TBC1D22A: variants seen among roughly 807,000 people sequenced by gnomAD.
The protein encoded by TBC1D22A is putative GTPase activator.
A neutral mutation model predicts 60.2 loss-of-function variants in TBC1D22A; 38 were observed. The observed-to-expected ratio is 0.63, with a 90% CI of 0.49 to 0.83. The LOEUF (loss-of-function observed/expected upper bound fraction) is 0.83. Ranked by LOEUF, TBC1D22A falls within the 40% of genes least tolerant of loss-of-function variation. The pLI, the probability that TBC1D22A is intolerant of heterozygous loss-of-function variation, is 0.00. For missense variants in TBC1D22A, 628 were observed against 701.0 expected (o/e 0.90, Z 1.18); for synonymous variants, 302 against 281.7 (o/e 1.07, Z -0.72).
intron 12 of TBC1D22A, among the ~76,000 whole-genome samples, chr22:47,159,029 C>T (rs2067836421): frequency 6.6e-6 from 1 of 151,452 alleles, no homozygotes; most frequent in Non-Finnish European, 1.5e-5. Context: ...TACACACACA[C>T]ACACCATGTA....
At chr22:47,011,567 T>C (rs2061753990) in intron 10 of TBC1D22A, among the ~76,000 whole-genome samples, 1 of 152,154 alleles carries the variant, frequency 6.6e-6, no homozygotes, top group African/African-American at 2.4e-5. Context: ...GGATAAAGTG[T>C]TTAATGGAGC....
intron 9 of TBC1D22A, among the ~76,000 whole-genome samples, chr22:46,982,413 G>A (rs2074550750): frequency 3.3e-5 from 5 of 151,904 alleles, no homozygotes. Flanking sequence ...TAGTAGAGAC[G>A]GGGTTTCACC....
chr22:47,092,612 GGACAT>G (rs1261325658), intron 11 of TBC1D22A, among the ~76,000 whole-genome samples: 1 of 152,178 alleles, frequency 6.6e-6, no homozygotes, highest in African/African-American at 2.4e-5. Flanking sequence ...CTCAGCCTGT[GGACAT>G]GCCCACCGGC....
intron 4 of TBC1D22A, among the ~76,000 whole-genome samples, chr22:46,815,422 T>C (rs1227120481): frequency 6.6e-6 from 1 of 152,224 alleles, no homozygotes; most frequent in African/African-American, 2.4e-5. Context: ...ACAGAGTCCT[T>C]TATTTGGACC....
intron 4 of TBC1D22A, among the ~76,000 whole-genome samples, chr22:46,838,062 GA>G (rs1263461402): frequency 2.0e-5 from 3 of 151,754 alleles, no homozygotes; most frequent in Non-Finnish European, 4.4e-5. Context: ...TCCGTCTCAA[GA>G]AAAAAAAGTT....
intron 11 of TBC1D22A, among the ~76,000 whole-genome samples, chr22:47,058,402 A>T (rs2063466346): frequency 6.6e-6 from 1 of 152,128 alleles, no homozygotes; most frequent in Non-Finnish European, 1.5e-5. Flanking sequence ...CAGCCAGGCC[A>T]GCCCTGCGAG....
chr22:47,067,694 C>T (rs2063822862), intron 11 of TBC1D22A, among the ~76,000 whole-genome samples: 1 of 152,194 alleles, frequency 6.6e-6, no homozygotes, highest in South Asian at 2.1e-4. Flanking sequence ...ATGGATGCCA[C>T]AGCCTCAGGA....
intron 8 of TBC1D22A, among the ~76,000 whole-genome samples, chr22:46,945,708 C>G (rs1270848778): frequency 1.3e-5 from 2 of 152,202 alleles, no homozygotes; most frequent in South Asian, 4.1e-4. Context: ...AGGGTTCCCC[C>G]CTGGTTACCC....
rs556006602 is a variant in TBC1D22A at position 46,981,291 on chromosome 22, C to T, written c.1125+6892C>T. ...ATGCCTGACATGGTCCTGAGTGCTT[C>T]GTTGTAATATTAGTTCATTTTCCCT... On this transcript the variant is annotated intron_variant, in intron 9 of 12. Coordinates refer to ENST00000337137, the MANE Select transcript of TBC1D22A (RefSeq NM_014346.5). 5.5e-4 allele frequency among the ~76,000 whole-genome samples: 84 copies of T among 152,278 alleles called. 1 individual carries two copies. Among genetic ancestry groups the T allele is most frequent in the African/African-American group, 1.9e-3 (81 of 41,564 alleles).
chr22:47,127,225 TTC>T (rs1366064167), intron 12 of TBC1D22A, among the ~76,000 whole-genome samples: 78 of 132,794 alleles, frequency 5.9e-4, no homozygotes, highest in African/African-American at 1.9e-3. Flanking sequence ...TTTTTTCTTT[TTC>T]TCTTTTTTTT....
At chr22:47,084,466 G>A (rs2064599152) in intron 11 of TBC1D22A, among the ~76,000 whole-genome samples, 2 of 152,216 alleles carry the variant, frequency 1.3e-5, no homozygotes, top group South Asian at 4.1e-4. Flanking sequence ...GGTCAGAGAT[G>A]CAGGAGGCGG....
In TBC1D22A at chr22:46,792,571, T is replaced by C. The variant is rs766238603; in HGVS notation, c.114T>C (p.His38=). The stretch of plus-strand genomic sequence containing the variant: ...ACCCCCCCTTTGATCCACTGTTACA[T>C]GGCACGTAAGTGACGTTCCAACCTC... ...AQHPPFDPLL[H]GTLLRSTAKM... The change falls in exon 2 of 13, where the codon CAT becomes CAC. Residue 38 remains histidine (H), a synonymous_variant. Transcript: ENST00000337137. 21 of 1,614,146 alleles carry C rather than the reference T, an allele frequency of 1.3e-5. No individual in the cohort carries two copies. In the East Asian group the frequency reaches 3.3e-4, roughly 26 times the overall value.
At chr22:47,101,892 C>T (rs9615461) in intron 11 of TBC1D22A, among the ~76,000 whole-genome samples, 54,807 of 152,032 alleles carry the variant, frequency 0.36, 9,983 homozygotes, top group South Asian at 0.47. Context: ...GCTCCAGTGA[C>T]GTCCAGAATT....
intron 1 of TBC1D22A, among the ~76,000 whole-genome samples, chr22:46,781,431 C>T (rs193298295): frequency 6.6e-6 from 1 of 152,334 alleles, no homozygotes; most frequent in Admixed American, 6.5e-5. Flanking sequence ...CTACCTTGGC[C>T]TCCCGAAGTG....
chr22:46,989,011 C>T (rs2074833323), intron 9 of TBC1D22A, among the ~76,000 whole-genome samples: 1 of 152,216 alleles, frequency 6.6e-6, no homozygotes, highest in African/African-American at 2.4e-5. Flanking sequence ...TACAGCTTCT[C>T]CATCAGCACT....
At chr22:47,012,375 C>A (rs574268921) in intron 10 of TBC1D22A, among the ~76,000 whole-genome samples, 2 of 152,276 alleles carry the variant, frequency 1.3e-5, no homozygotes, top group East Asian at 3.9e-4. Context: ...AGCACTGGTG[C>A]GTTCTTCTCT....
chr22:47,032,562 G>T (rs759653864), intron 10 of TBC1D22A, among the ~76,000 whole-genome samples: 5 of 152,186 alleles, frequency 3.3e-5, no homozygotes, highest in Non-Finnish European at 7.4e-5. Context: ...TCTAAAGCTC[G>T]CCTGAAGCCT....
intron 8 of TBC1D22A, among the ~76,000 whole-genome samples, chr22:46,971,361 T>G (rs2074052840): frequency 6.6e-6 from 1 of 152,188 alleles, no homozygotes; most frequent in Non-Finnish European, 1.5e-5. Context: ...GTTCCCTGTT[T>G]ACTCTTATTA....
At chr22:46,853,323 G>T (rs1025121642) in intron 4 of TBC1D22A, among the ~76,000 whole-genome samples, 4 of 152,222 alleles carry the variant, frequency 2.6e-5, no homozygotes, top group Non-Finnish European at 5.9e-5. Context: ...TGGGAACGTT[G>T]AAAGCAGGCG....
Sources: allele counts gnomAD v4.1 joint callset (sites outside exome capture counted in the v4.1 genomes callset), GRCh38; gene constraint gnomAD v4.1.1; transcripts MANE v1.5; gene names NCBI Gene and HGNC (gene_info 2026-07-23, HGNC 2026-07-21).